DOCK1: variants seen among roughly 807,000 people sequenced by gnomAD.
The protein encoded by DOCK1 is dedicator of cytokinesis 1, also known as dedicator of cytokinesis protein 1.
A neutral mutation model predicts 262.7 loss-of-function variants in DOCK1; 138 were observed. The observed-to-expected ratio is 0.53, with a 90% CI of 0.46 to 0.61. DOCK1 has a LOEUF of 0.61. Ranked by LOEUF, DOCK1 falls within the 20% of genes least tolerant of loss-of-function variation. The pLI is 0.00. For synonymous variants in DOCK1, 866 were observed against 867.4 expected, an observed-to-expected ratio of 1.00 and a Z score of 0.03; for missense variants, 1,908 against 2,370.7, an observed-to-expected ratio of 0.80 and a Z score of 4.05.
At chr10:127,298,308 A>T (rs907729649) in intron 29 of DOCK1, among the ~76,000 whole-genome samples, 1 of 152,194 alleles carries the variant, frequency 6.6e-6, no homozygotes, top group Non-Finnish European at 1.5e-5. Context: ...CGAATCTGTG[A>T]TTAATTAGAA....
At chr10:127,341,840 A>T (rs2063441747) in intron 30 of DOCK1, among the ~76,000 whole-genome samples, 1 of 152,188 alleles carries the variant, frequency 6.6e-6, no homozygotes, top group Non-Finnish European at 1.5e-5. Context: ...AGGGTTTAGC[A>T]GGAATCGCTG....
chr10:127,032,398 G>C, intron 18 of DOCK1, 78 bp downstream of exon 18: 2 of 1,428,880 alleles, frequency 1.4e-6, no homozygotes, highest in Non-Finnish European at 9.2e-7. Flanking sequence ...TTCCTATGTG[G>C]AGGTGTGCTC....
At chr10:127,076,467 C>T (rs1375965648) in intron 23 of DOCK1, among the ~76,000 whole-genome samples, 1 of 152,198 alleles carries the variant, frequency 6.6e-6, no homozygotes, top group Non-Finnish European at 1.5e-5. Context: ...CGCCACTGCA[C>T]TCCAGCCTGG....
intron 29 of DOCK1, among the ~76,000 whole-genome samples, chr10:127,331,852 G>A (rs2062996876): frequency 6.6e-6 from 1 of 152,130 alleles, no homozygotes; most frequent in African/African-American, 2.4e-5. Context: ...TTCCTCATTT[G>A]TAAAATATTG....
intron 21 of DOCK1, 116 bp from the exon 22 acceptor site, chr10:127,052,565 T>C (rs2135737487): frequency 7.1e-7 from 1 of 1,411,696 alleles, no homozygotes; most frequent in East Asian, 2.3e-5. Flanking sequence ...CAGATATTCA[T>C]ATACTGATAG....
At chr10:127,269,360 C>T (rs2060482108) in intron 29 of DOCK1, among the ~76,000 whole-genome samples, 2 of 152,032 alleles carry the variant, frequency 1.3e-5, no homozygotes, top group Non-Finnish European at 1.5e-5. Context: ...TAGACATTGC[C>T]CTGGAGATTC....
intron 23 of DOCK1, among the ~76,000 whole-genome samples, chr10:127,076,902 G>T (rs2046595272): frequency 6.6e-6 from 1 of 152,150 alleles, no homozygotes; most frequent in African/African-American, 2.4e-5. Context: ...CTGGCATTTT[G>T]CTCCTGCCTT....
chr10:127,302,146 C>T (rs2061703775), intron 29 of DOCK1, among the ~76,000 whole-genome samples: 7 of 151,868 alleles, frequency 4.6e-5, no homozygotes, highest in Admixed American at 4.6e-4. Context: ...CCTGTGTTTC[C>T]TGCTTCTGGT....
rs535226572 is a variant in DOCK1, at chr10:127,119,144, C to T, written c.2624-6330C>T. The stretch of plus-strand genomic sequence containing the variant: ...CTGCAAGCTCCGTCTCCCAGGTTCA[C>T]GCCATTCTTCTGCCTCAGCCTCCTG... On this transcript the variant is annotated intron_variant, in intron 25 of 51. Transcript: ENST00000623213. Among the ~76,000 whole-genome samples the T allele has an allele frequency of 3.0e-3, 453 of 151,942 alleles. 3 individuals are homozygous for T. Among genetic ancestry groups the T allele is most frequent in the Middle Eastern group, 6.8e-3 (2 of 294 alleles).
At chr10:127,260,595 C>G (rs1407125663) in intron 29 of DOCK1, among the ~76,000 whole-genome samples, 1 of 151,670 alleles carries the variant, frequency 6.6e-6, no homozygotes, top group African/African-American at 2.4e-5. Flanking sequence ...CCATGCTCAT[C>G]TGTGTGTGTA....
rs544395356 is a variant in DOCK1 at position 127,360,946 on chromosome 10, G to A, written c.3284-1118G>A. On this transcript the variant is annotated intron_variant, in intron 32 of 51. Transcript: ENST00000623213. ...GGTTACCGTGAAAATTCAGTGAGAT[G>A]ATGCTTTATCTTGAGCTTGTCATGT... is the stretch of plus-strand genomic sequence containing the variant. Among the ~76,000 whole-genome samples the A allele has an allele frequency of 9.7e-4, 148 of 152,174 alleles. 2 individuals are homozygous for A. Among genetic ancestry groups the A allele is most frequent in the African/African-American group, 3.3e-3 (135 of 41,530 alleles).
At chr10:127,067,394 A>T (rs138118447) in intron 23 of DOCK1, among the ~76,000 whole-genome samples, 1,905 of 152,304 alleles carry the variant, frequency 0.013, 30 homozygotes, top group African/African-American at 0.035. Context: ...GGACCTTGGC[A>T]TAGTCTGTTC....
chr10:127,266,907 C>G (rs1431660030), intron 29 of DOCK1, among the ~76,000 whole-genome samples: 1 of 152,170 alleles, frequency 6.6e-6, no homozygotes, highest in African/African-American at 2.4e-5. Flanking sequence ...CCACAGTTCT[C>G]CTTCCTAGGC....
At chr10:126,906,264 G>C (rs967127567) in intron 1 of DOCK1, among the ~76,000 whole-genome samples, 1 of 152,172 alleles carries the variant, frequency 6.6e-6, no homozygotes, top group Non-Finnish European at 1.5e-5. Flanking sequence ...GGAAGGAGTC[G>C]GGTTGCAAGT....
Position 127,343,651 on chromosome 10 carries a change from GAAC to G in DOCK1, c.3133_3135del (p.Asn1045del). ...TCCTCCTTTTTGGTTTTCAGCTGTG[GAAC>G]AACTACTTTCACCTGGCTGTTGCTT... On this transcript the variant is annotated inframe_deletion, in exon 31 of 52. Coordinates refer to ENST00000623213, the MANE Select transcript of DOCK1 (RefSeq NM_001290223.2). 6.2e-7 allele frequency: 1 copy of G among 1,608,094 alleles called. No individual in the cohort carries two copies. The highest frequency in any genetic ancestry group is 8.5e-7 in the Non-Finnish European group (1 of 1,177,358).
At chr10:127,114,484 G>C (rs959848349) in intron 25 of DOCK1, among the ~76,000 whole-genome samples, 51 of 152,268 alleles carry the variant, frequency 3.3e-4, no homozygotes, top group African/African-American at 1.2e-3. Flanking sequence ...AGGGAGAAGA[G>C]TGAGAGACTT....
At chr10:126,924,639 G>A (rs1274744628) in intron 1 of DOCK1, among the ~76,000 whole-genome samples, 4 of 152,180 alleles carry the variant, frequency 2.6e-5, no homozygotes, top group African/African-American at 7.2e-5. Context: ...TTCTTCCACC[G>A]TGTTGCCTCC....
At chr10:127,335,603 A>G (rs927064179) in intron 29 of DOCK1, among the ~76,000 whole-genome samples, 9 of 151,536 alleles carry the variant, frequency 5.9e-5, no homozygotes, top group Non-Finnish European at 1.2e-4. Flanking sequence ...GCTGGAGTGC[A>G]GTGGTGCAGT....
intron 23 of DOCK1, among the ~76,000 whole-genome samples, chr10:127,088,844 G>A (rs1473051926): frequency 6.6e-6 from 1 of 152,116 alleles, no homozygotes; most frequent in Non-Finnish European, 1.5e-5. Flanking sequence ...GGAAAGCCCT[G>A]TATTTGGAAG....
Sources: gnomAD v4.1 joint callset for allele counts (sites outside exome capture counted in the v4.1 genomes callset) on GRCh38, gnomAD v4.1.1 for gene constraint, MANE v1.5 for transcripts, NCBI Gene and HGNC (gene_info 2026-07-23, HGNC 2026-07-21) for gene names.